SDK1: variants seen among roughly 807,000 people sequenced by gnomAD.
SDK1 encodes protein sidekick-1.
SDK1 carries 157 observed loss-of-function variants against 245.5 expected under a neutral mutation model. That is an observed-to-expected ratio of 0.64 (90% confidence interval 0.56 to 0.73). The LOEUF is 0.73. SDK1 is among the 30% of genes least tolerant of loss of function. The probability of loss-of-function intolerance (pLI) is 0.00; values close to 1 mark genes in which losing one functional copy is unlikely to be tolerated. For synonymous variants in SDK1, 1,647 were observed against 1,278.5 expected (o/e 1.29, Z -6.15); for missense variants, 3,583 against 3,002.3 (o/e 1.19, Z -4.52).
At chr7:3,338,405 C>T (rs1583703769) in intron 1 of SDK1, 1 of 531,108 alleles carries the variant, frequency 1.9e-6, no homozygotes, top group African/African-American at 1.9e-5. Flanking sequence ...GTGTTGAGCA[C>T]ATTAAGCACT....
chr7:4,185,992 CAGGG>C (rs1418043530), intron 35 of SDK1, among the ~76,000 whole-genome samples: 2 of 152,132 alleles, frequency 1.3e-5, no homozygotes, highest in African/African-American at 4.8e-5. Flanking sequence ...CCAGGGAGCT[CAGGG>C]AGGGCCTAAA....
At chr7:4,197,140 G>A (rs1156908258) in intron 35 of SDK1, among the ~76,000 whole-genome samples, 3 of 152,190 alleles carry the variant, frequency 2.0e-5, no homozygotes, top group Non-Finnish European at 2.9e-5. Flanking sequence ...GGCTGGCCAG[G>A]ACAGAGACTG....
chr7:3,841,113 A>G (rs543790492), intron 5 of SDK1, among the ~76,000 whole-genome samples: 1 of 152,270 alleles, frequency 6.6e-6, no homozygotes, highest in African/African-American at 2.4e-5. Flanking sequence ...ATGTGTGACC[A>G]GTTTTACACA....
chr7:3,444,262 C>T (rs1780281304), intron 1 of SDK1, among the ~76,000 whole-genome samples: 1 of 152,198 alleles, frequency 6.6e-6, no homozygotes, highest in Non-Finnish European at 1.5e-5. Flanking sequence ...GTATTTATGT[C>T]TGCCTGCTAG....
intron 17 of SDK1, among the ~76,000 whole-genome samples, chr7:4,029,953 TG>T (rs1787666088): frequency 6.6e-6 from 1 of 152,162 alleles, no homozygotes; most frequent in African/African-American, 2.4e-5. Flanking sequence ...GGCAGCAGGA[TG>T]GGGAGACGTG....
rs1781480395 is a variant in SDK1, at chr7:3,480,411, T to C, written c.299-138669T>C. ...TGTTCCGGATAAGCTGCCTGCCTCC[T>C]GCACATACGCTCATGTAGGAACTAC... On this transcript the variant is annotated intron_variant, in intron 1 of 44. Transcript: ENST00000404826. Among the ~76,000 whole-genome samples, 2 of 151,136 alleles carry C rather than the reference T, an allele frequency of 1.3e-5. 1 individual carries two copies. Among genetic ancestry groups the C allele is most frequent in the Admixed American group, 1.3e-4 (2 of 15,188 alleles).
intron 5 of SDK1, among the ~76,000 whole-genome samples, chr7:3,929,572 C>T (rs528620553): frequency 3.3e-5 from 5 of 152,152 alleles, no homozygotes; most frequent in Admixed American, 6.5e-5. Context: ...ATCCTTAAAG[C>T]GGTGGGACTG....
intron 5 of SDK1, among the ~76,000 whole-genome samples, chr7:3,844,037 C>A (rs1224634925): frequency 1.3e-5 from 2 of 152,146 alleles, no homozygotes; most frequent in East Asian, 3.9e-4. Flanking sequence ...GTGGTGTGAT[C>A]TCTACTCACT....
intron 1 of SDK1, among the ~76,000 whole-genome samples, chr7:3,351,580 A>T (rs1476653782): frequency 1.3e-5 from 2 of 152,206 alleles, no homozygotes; most frequent in African/African-American, 4.8e-5. Flanking sequence ...ACAGAAGGCA[A>T]AATAATGGAA....
intron 5 of SDK1, among the ~76,000 whole-genome samples, chr7:3,901,075 A>C (rs1781773626): frequency 6.6e-6 from 1 of 152,138 alleles, no homozygotes; most frequent in African/African-American, 2.4e-5. Flanking sequence ...ATTTTTTCTC[A>C]ACATTGACAT....
chr7:4,101,368 C>T (rs762461547), intron 22 of SDK1, among the ~76,000 whole-genome samples: 4 of 152,144 alleles, frequency 2.6e-5, no homozygotes, highest in African/African-American at 4.8e-5. Flanking sequence ...AGGATGGTCT[C>T]GATCTCCTGA....
intron 32 of SDK1, among the ~76,000 whole-genome samples, chr7:4,167,947 G>A (rs891724071): frequency 6.6e-6 from 1 of 152,252 alleles, no homozygotes; most frequent in African/African-American, 2.4e-5. Context: ...GACCTCATGG[G>A]TTCCATGGAG....
Position 4,237,648 on chromosome 7 carries a change from T to C in SDK1, c.5994T>C (p.Ala1998=), listed in dbSNP as rs1449672762. Residue 1998 remains alanine (A), a splice_region_variant and synonymous_variant, in exon 42 of 45, where the codon GCT becomes GCC. Transcript: ENST00000404826. ...EPSNPSTAVS[A]QVEAPFYEEW... ...TGTGTGTCCGTGTCTTTTCCACAGC[T>C]CAAGTGGAAGCCCCATTCTACGAGG... 1.2e-6 allele frequency: 2 copies of C among 1,613,960 alleles called. No individual in the cohort carries two copies. The highest frequency in any genetic ancestry group is 1.7e-6 in the Non-Finnish European group (2 of 1,180,018).
intron 38 of SDK1, among the ~76,000 whole-genome samples, chr7:4,217,525 C>A (rs1266058497): frequency 2.0e-4 from 25 of 127,374 alleles, no homozygotes; most frequent in East Asian, 9.9e-4. Flanking sequence ...CCACCCGGAG[C>A]ACCACACCAC....
chr7:3,382,843 CT>C (rs1781520794), intron 1 of SDK1, among the ~76,000 whole-genome samples: 1 of 152,026 alleles, frequency 6.6e-6, no homozygotes, highest in Non-Finnish European at 1.5e-5. Context: ...CAAGAGATAC[CT>C]GTGAATTGGT....
At chr7:3,560,238 A>G (rs777984072) in intron 1 of SDK1, among the ~76,000 whole-genome samples, 40 of 152,314 alleles carry the variant, frequency 2.6e-4, no homozygotes, top group East Asian at 3.9e-4. Flanking sequence ...ACGTACTTCT[A>G]TTGCTTTTGA....
In SDK1 at chr7:4,233,328, G is replaced by T; in HGVS notation, c.5901G>T (p.Lys1967Asn). Residue 1967 changes from lysine to asparagine, a missense_variant, in exon 41 of 45, where the codon AAG becomes AAT. Coordinates refer to ENST00000404826, the MANE Select transcript of SDK1 (RefSeq NM_152744.4). ...CATCCTACACCCTCAGCCTGGATAA[G>T]CTCCGGCAAGGAGTGACTTACGAGT... ...SATSYTLSLD[K>N]LRQGVTYEFR... 1 of 1,613,976 alleles carries T rather than the reference G, an allele frequency of 6.2e-7. No individual in the cohort carries two copies. Among genetic ancestry groups the T allele is most frequent in the Non-Finnish European group, 8.5e-7 (1 of 1,180,036 alleles).
chr7:4,152,975 A>AGAGG (rs1780484377), intron 30 of SDK1, among the ~76,000 whole-genome samples: 1 of 152,072 alleles, frequency 6.6e-6, no homozygotes, highest in Admixed American at 6.6e-5. Flanking sequence ...AATGCAGTAG[A>AGAGG]GAGGAAGAAG....
chr7:3,348,966 T>G (rs781625906), intron 1 of SDK1, among the ~76,000 whole-genome samples: 2 of 152,184 alleles, frequency 1.3e-5, no homozygotes, highest in Non-Finnish European at 2.9e-5. Context: ...GTTGTCAGAC[T>G]CTGTCCCTGG....
Sources: allele counts gnomAD v4.1 joint callset (sites outside exome capture counted in the v4.1 genomes callset), GRCh38; gene constraint gnomAD v4.1.1; transcripts MANE v1.5; gene names NCBI Gene and HGNC (gene_info 2026-07-23, HGNC 2026-07-21).